AUTS2: variants seen among roughly 807,000 people sequenced by gnomAD.
The protein encoded by AUTS2 is activator of transcription and developmental regulator AUTS2, also known as autism susceptibility gene 2 protein.
AUTS2 carries 17 observed loss-of-function variants against 112.4 expected under a neutral mutation model. The ratio of observed to expected loss-of-function variants is 0.15; its 90% CI spans 0.10 to 0.23. The LOEUF (loss-of-function observed/expected upper bound fraction) is 0.23, where lower values mean the gene tolerates loss of function less well. Ranked by LOEUF, AUTS2 falls within the 10% of genes least tolerant of loss-of-function variation. The probability of loss-of-function intolerance (pLI) is 1.00; values close to 1 mark genes in which losing one functional copy is unlikely to be tolerated. For synonymous variants in AUTS2, 751 were observed against 702.7 expected, an observed-to-expected ratio of 1.07 and a Z score of -1.09; for missense variants, 1,510 against 1,701.6, an observed-to-expected ratio of 0.89 and a Z score of 1.98.
chr7:69,997,922 G>A (rs536678972), intron 2 of AUTS2, among the ~76,000 whole-genome samples: 5 of 152,154 alleles, frequency 3.3e-5, no homozygotes, highest in African/African-American at 4.8e-5. Flanking sequence ...GAAACTCGGG[G>A]TTTATTACTG....
chr7:69,879,528 C>T (rs1369453713), intron 1 of AUTS2, among the ~76,000 whole-genome samples: 1 of 152,076 alleles, frequency 6.6e-6, no homozygotes, highest in African/African-American at 2.4e-5. Flanking sequence ...ATATATTTTG[C>T]TTGTTCCTAG....
chr7:69,848,888 G>A (rs1470928821), intron 1 of AUTS2, among the ~76,000 whole-genome samples: 4 of 151,772 alleles, frequency 2.6e-5, no homozygotes, highest in Non-Finnish European at 4.4e-5. Context: ...CCACCTTTTC[G>A]ACACCCTTGG....
At chr7:69,810,455 G>GCA in intron 1 of AUTS2, among the ~76,000 whole-genome samples, 1 of 151,452 alleles carries the variant, frequency 6.6e-6, no homozygotes, top group Admixed American at 6.6e-5. Flanking sequence ...AAAGCCCTTG[G>GCA]CACACAGTAG....
At chr7:70,419,540 AAAT>A (rs1795127677) in intron 4 of AUTS2, among the ~76,000 whole-genome samples, 2 of 152,324 alleles carry the variant, frequency 1.3e-5, no homozygotes, top group African/African-American at 4.8e-5. Context: ...GTAGCCATAT[AAAT>A]AATGTATTAT....
intron 6 of AUTS2, among the ~76,000 whole-genome samples, chr7:70,718,489 AC>A (rs765098956): frequency 6.6e-6 from 1 of 152,106 alleles, no homozygotes; most frequent in Non-Finnish European, 1.5e-5. Context: ...ATGGCAAAAC[AC>A]CGTCTCTACA....
At chr7:69,843,958 G>A (rs528814829) in intron 1 of AUTS2, among the ~76,000 whole-genome samples, 2 of 152,222 alleles carry the variant, frequency 1.3e-5, no homozygotes, top group South Asian at 2.1e-4. Flanking sequence ...TTTTCAAGTG[G>A]CCTGATAAAT....
At chr7:70,785,502 C>T (rs759812843) in intron 16 of AUTS2, 16 of 466,930 alleles carry the variant, frequency 3.4e-5, no homozygotes, top group South Asian at 2.0e-4. Flanking sequence ...TTTGTGTATT[C>T]GATCCCATCT....
intron 1 of AUTS2, among the ~76,000 whole-genome samples, chr7:69,863,426 G>T (rs1445258282): frequency 6.6e-6 from 1 of 152,118 alleles, no homozygotes; most frequent in Admixed American, 6.5e-5. Flanking sequence ...GGGGATGCTG[G>T]AACCAATCCC....
At chr7:70,016,080 G>A (rs1281956208) in intron 2 of AUTS2, among the ~76,000 whole-genome samples, 7 of 152,014 alleles carry the variant, frequency 4.6e-5, no homozygotes, top group East Asian at 1.9e-4. Flanking sequence ...AGCAAATCTC[G>A]GGATATCAAG....
intron 1 of AUTS2, among the ~76,000 whole-genome samples, chr7:69,708,056 A>C (rs1798145490): frequency 6.6e-6 from 1 of 152,084 alleles, no homozygotes; most frequent in African/African-American, 2.4e-5. Flanking sequence ...AGGTTCCAGA[A>C]GGGGCTCAGA....
intron 5 of AUTS2, among the ~76,000 whole-genome samples, chr7:70,464,688 C>T (rs1306038643): frequency 2.0e-5 from 3 of 152,164 alleles, no homozygotes; most frequent in Admixed American, 1.3e-4. Context: ...GAATAAGATG[C>T]TCCAGGTAGT....
intron 4 of AUTS2, among the ~76,000 whole-genome samples, chr7:70,355,865 C>G (rs1585051305): frequency 6.6e-6 from 1 of 152,162 alleles, no homozygotes; most frequent in East Asian, 1.9e-4. Flanking sequence ...CTGCCTTACC[C>G]CTGGGACCAC....
intron 6 of AUTS2, among the ~76,000 whole-genome samples, chr7:70,736,206 T>G (rs1054155): frequency 1.3e-5 from 2 of 151,764 alleles, no homozygotes; most frequent in East Asian, 3.9e-4. Flanking sequence ...ATTCATCAGA[T>G]AGTTAGGTCT....
chr7:70,628,839 G>A (rs1229740745), intron 5 of AUTS2, among the ~76,000 whole-genome samples: 1 of 152,128 alleles, frequency 6.6e-6, no homozygotes, highest in African/African-American at 2.4e-5. Flanking sequence ...GGAGACCTCT[G>A]GGCGCCATTT....
At chr7:70,508,048 C>G (rs534853680) in intron 5 of AUTS2, among the ~76,000 whole-genome samples, 6 of 152,322 alleles carry the variant, frequency 3.9e-5, no homozygotes, top group East Asian at 1.9e-4. Flanking sequence ...CCAGCACTTA[C>G]AGCAGAAGGC....
intron 2 of AUTS2, among the ~76,000 whole-genome samples, chr7:69,986,099 G>A (rs1287590231): frequency 6.6e-6 from 1 of 151,960 alleles, no homozygotes; most frequent in African/African-American, 2.4e-5. Context: ...TGTTTCCTCT[G>A]TATCTTCTTA....
intron 4 of AUTS2, among the ~76,000 whole-genome samples, chr7:70,393,980 C>G (rs1793978227): frequency 6.6e-6 from 1 of 152,206 alleles, no homozygotes; most frequent in African/African-American, 2.4e-5. Flanking sequence ...GGAACCTGCT[C>G]TATTCACTTT....
chr7:69,680,034 A>G (rs2129167200), intron 1 of AUTS2, among the ~76,000 whole-genome samples: 1 of 152,264 alleles, frequency 6.6e-6, no homozygotes. Flanking sequence ...TAGATACTAC[A>G]TTTTTTAGTT....
chr7:70,163,360 A>AGGGG (rs1562753323), intron 4 of AUTS2, among the ~76,000 whole-genome samples: 5 of 2,462 alleles, frequency 2.0e-3, no homozygotes, highest in Non-Finnish European at 2.2e-3. Context: ...GGGGGGGGGC[A>AGGGG]GAGGGGGAGG....
Sources: allele counts gnomAD v4.1 joint callset (sites outside exome capture counted in the v4.1 genomes callset), GRCh38; gene constraint gnomAD v4.1.1; transcripts MANE v1.5; gene names NCBI Gene and HGNC (gene_info 2026-07-23, HGNC 2026-07-21).